The following ASCC3 variants were observed in gnomAD, a reference collection of about 807,000 sequenced individuals.
The protein encoded by ASCC3 is ASC-1 complex subunit P200.
A neutral mutation model predicts 256.3 loss-of-function variants in ASCC3; 158 were observed. The observed-to-expected ratio is 0.62, with a 90% CI of 0.54 to 0.70. The LOEUF (loss-of-function observed/expected upper bound fraction) is 0.70. ASCC3 is among the 30% of genes least tolerant of loss of function. The probability of loss-of-function intolerance (pLI) is 0.00; values close to 1 mark genes in which losing one functional copy is unlikely to be tolerated. For synonymous variants in ASCC3, 948 were observed against 883.4 expected, an observed-to-expected ratio of 1.07 and a Z score of -1.30; for missense variants, 2,259 against 2,626.0, an observed-to-expected ratio of 0.86 and a Z score of 3.05.
At chr6:100,583,841 T>G (rs548719092) in intron 36 of ASCC3, among the ~76,000 whole-genome samples, 16 of 152,250 alleles carry the variant, frequency 1.1e-4, no homozygotes, top group Non-Finnish European at 2.4e-4. Flanking sequence ...CATTTCGTTA[T>G]GTACCCAGTG....
In ASCC3 at chr6:100,727,839, C is replaced by T. The variant is rs543254493; in HGVS notation, c.1738-2136G>A. Among the ~76,000 whole-genome samples, 3 of 151,826 alleles carry T rather than the reference C, an allele frequency of 2.0e-5. No homozygotes were observed. The South Asian group carries it at 6.3e-4, about 32-fold the overall frequency. ...ATAGTGGTTTGGAGGGGGAGGGGGG[C>T]CAGACAGAAAAGTGGCAGTAGGGAT... On this transcript the variant is annotated intron_variant, in intron 10 of 41. Coordinates refer to ENST00000369162, the MANE Select transcript of ASCC3 (RefSeq NM_006828.4).
intron 12 of ASCC3, 125 bp from the exon 13 acceptor site, chr6:100,715,658 C>T: frequency 2.9e-6 from 2 of 688,014 alleles, no homozygotes; most frequent in Non-Finnish European, 5.1e-6. Flanking sequence ...GCAGAGGTAT[C>T]AAATACCTCA....
intron 14 of ASCC3, among the ~76,000 whole-genome samples, chr6:100,673,244 C>T (rs1776843936): frequency 6.6e-6 from 1 of 151,948 alleles, no homozygotes; most frequent in Non-Finnish European, 1.5e-5. Flanking sequence ...AATTGGCCAT[C>T]TGTAAATAAA....
chr6:100,843,426 T>A (rs13219522), intron 4 of ASCC3, among the ~76,000 whole-genome samples: 1 of 152,120 alleles, frequency 6.6e-6, no homozygotes, highest in Non-Finnish European at 1.5e-5. Flanking sequence ...AAGCAGCCCA[T>A]CTGCACAAAA....
At chr6:100,674,187 AC>A (rs1776895352) in intron 14 of ASCC3, among the ~76,000 whole-genome samples, 1 of 152,074 alleles carries the variant, frequency 6.6e-6, no homozygotes, top group African/African-American at 2.4e-5. Context: ...GATCAATACT[AC>A]AGAAAATCTT....
At position 100,540,348 on chromosome 6, in the gene ASCC3, C is replaced by T. The variant is rs1444311043; in HGVS notation, c.5590G>A (p.Glu1864Lys). The change falls in exon 37 of 42, where the codon GAA becomes AAA. Residue 1864 changes from glutamate (E) to lysine (K), a missense_variant. Transcript: ENST00000369162. ...EYTDLPVRHN[E>K]DHMNSELAKC... ...GCCAGTTCACTATTCATATGATCTT[C>T]ATTGTGTCTCACTGGCAAATCTGTA... 1.2e-6 allele frequency: 2 copies of T among 1,611,790 alleles called. No individual in the cohort carries two copies. The highest frequency in any genetic ancestry group is 2.2e-5 in the South Asian group (2 of 90,984).
chr6:100,706,801 C>T (rs998075413), intron 13 of ASCC3, among the ~76,000 whole-genome samples: 1 of 151,970 alleles, frequency 6.6e-6, no homozygotes, highest in Non-Finnish European at 1.5e-5. Flanking sequence ...TTTTGGGCAA[C>T]TTTATTATAA....
At chr6:100,608,133 T>G (rs1370810495) in intron 30 of ASCC3, among the ~76,000 whole-genome samples, 1 of 126,464 alleles carries the variant, frequency 7.9e-6, no homozygotes, top group South Asian at 2.2e-4. Flanking sequence ...TATACATATA[T>G]ATGTATATAT....
chr6:100,606,718 T>G, intron 32 of ASCC3, 22 bp downstream of exon 32: 1 of 1,585,556 alleles, frequency 6.3e-7, no homozygotes, highest in African/African-American at 1.4e-5. Context: ...TTCATGTATT[T>G]CTGTGAATTT....
intron 8 of ASCC3, among the ~76,000 whole-genome samples, chr6:100,792,670 ATACT>A (rs1769408651): frequency 6.6e-6 from 1 of 151,956 alleles, no homozygotes; most frequent in Non-Finnish European, 1.5e-5. Flanking sequence ...GTACCCTATA[ATACT>A]TTATTTAAGG....
At chr6:100,548,887 A>G (rs1769144910) in intron 36 of ASCC3, among the ~76,000 whole-genome samples, 1 of 151,964 alleles carries the variant, frequency 6.6e-6, no homozygotes, top group African/African-American at 2.4e-5. Context: ...TATATATACT[A>G]TGTTTTTCCT....
chr6:100,706,966 G>C (rs1562240019), intron 13 of ASCC3, among the ~76,000 whole-genome samples: 1 of 152,052 alleles, frequency 6.6e-6, no homozygotes, highest in Non-Finnish European at 1.5e-5. Flanking sequence ...GAAGGCATTG[G>C]CCTAGGCATC....
chr6:100,761,944 T>C (rs938624968), intron 10 of ASCC3, among the ~76,000 whole-genome samples: 4 of 152,248 alleles, frequency 2.6e-5, no homozygotes, highest in East Asian at 1.9e-4. Flanking sequence ...AAATAATCAA[T>C]AGACTACATA....
intron 37 of ASCC3, among the ~76,000 whole-genome samples, chr6:100,525,454 G>A (rs1437627277): frequency 6.6e-6 from 1 of 151,944 alleles, no homozygotes; most frequent in Non-Finnish European, 1.5e-5. Context: ...AGGAGCCGGA[G>A]AAATGACTAC....
Position 100,558,198 on chromosome 6 carries a change from T to C in ASCC3, c.5551-17811A>G, listed in dbSNP as rs945248880. 5.3e-5 allele frequency among the ~76,000 whole-genome samples: 8 copies of C among 151,978 alleles called. No homozygotes were observed. In the East Asian group the frequency reaches 1.5e-3, roughly 29 times the overall value. On this transcript the variant is annotated intron_variant, in intron 36 of 41. Transcript: ENST00000369162. The stretch of plus-strand genomic sequence containing the variant: ...AAAGCAAAAGACTTGAATATCAAAG[T>C]ATTAAGGGAGGATAATGAGAAAATT...
chr6:100,830,736 A>G (rs1771579746), intron 4 of ASCC3, among the ~76,000 whole-genome samples: 1 of 152,254 alleles, frequency 6.6e-6, no homozygotes, highest in Non-Finnish European at 1.5e-5. Flanking sequence ...CAGAAATTCA[A>G]TTCACAAGAA....
intron 36 of ASCC3, among the ~76,000 whole-genome samples, chr6:100,560,239 T>A (rs373522868): frequency 6.6e-6 from 1 of 152,190 alleles, no homozygotes; most frequent in African/African-American, 2.4e-5. Context: ...TTTAGAGATA[T>A]CAATATTTTG....
chr6:100,513,752 G>C (rs556698214), intron 39 of ASCC3, among the ~76,000 whole-genome samples: 1 of 152,206 alleles, frequency 6.6e-6, no homozygotes, highest in East Asian at 1.9e-4. Flanking sequence ...TAAAAAATCA[G>C]TATTCAAATA....
chr6:100,701,767 TA>T (rs927156048), intron 13 of ASCC3, among the ~76,000 whole-genome samples: 6 of 151,692 alleles, frequency 4.0e-5, no homozygotes, highest in African/African-American at 1.2e-4. Context: ...CAGGGATGTT[TA>T]AAAAAAAGGG....
Sources: allele counts gnomAD v4.1 joint callset (sites outside exome capture counted in the v4.1 genomes callset), GRCh38; gene constraint gnomAD v4.1.1; transcripts MANE v1.5; gene names NCBI Gene and HGNC (gene_info 2026-07-23, HGNC 2026-07-21).